TUG1: variants seen among roughly 807,000 people sequenced by gnomAD.
TUG1 encodes taurine up-regulated 1.
At chr22:30,975,495 C>T (rs770460219) in exon 3 of TUG1, 8 of 152,230 alleles carry the variant, frequency 5.3e-5, no homozygotes, top group Admixed American at 2.0e-4. Context: ...TCAGTAGATG[C>T]TGAACATTCT....
At position 30,973,225 on chromosome 22, in the gene TUG1, G is replaced by A. The variant is rs545458826; in HGVS notation, c.*2332G>A. ...GAGACACACAATAAATTTGGACCAG[G>A]GGATTTTTTAGTTATTAATGCTCTC... is the stretch of plus-strand genomic sequence containing the variant. On this transcript the variant is annotated 3_prime_UTR_variant, in exon 2 of 3. Coordinates refer to ENST00000644773, the Ensembl canonical transcript of TUG1. 3 of 152,348 alleles carry A rather than the reference G, an allele frequency of 2.0e-5. No homozygotes were observed. The East Asian group carries it at 5.8e-4, about 29-fold the overall frequency. 9.4% of individuals were successfully genotyped at this position (152,348 alleles called of 1,614,324 possible).
At chr22:30,976,917 A>G (rs1204577516) in exon 3 of TUG1, 1 of 152,202 alleles carries the variant, frequency 6.6e-6, no homozygotes, top group Non-Finnish European at 1.5e-5. Flanking sequence ...CAACAAATAA[A>G]ATCTGGTTGA....
At chr22:30,969,404 G>C (rs1460934136) in exon 1 of TUG1, 1 of 152,508 alleles carries the variant, frequency 6.6e-6, no homozygotes, top group African/African-American at 2.4e-5. Flanking sequence ...GAAGGAACGG[G>C]CGTGCGGTCG....
At chr22:30,973,651 G>C (rs545861966) in intron 2 of TUG1, 64 bp downstream of exon 2, 1 of 152,156 alleles carries the variant, frequency 6.6e-6, no homozygotes, top group East Asian at 1.9e-4. Context: ...GCACTTGTAC[G>C]TACATTTATC....
At chr22:30,975,743 T>A (rs774935070) in exon 3 of TUG1, 2 of 152,194 alleles carry the variant, frequency 1.3e-5, no homozygotes, top group Non-Finnish European at 2.9e-5. Context: ...AGTACATGAC[T>A]TTGAAGTCTT....
chr22:30,973,621 A>G (rs1010898301), intron 2 of TUG1, 34 bp downstream of exon 2: 5 of 152,232 alleles, frequency 3.3e-5, no homozygotes, highest in African/African-American at 1.2e-4. Flanking sequence ...TCTGTTTATA[A>G]TGCACTTTAC....
At chr22:30,971,987 C>T (rs1476778326) in intron 1 of TUG1, 7 of 152,198 alleles carry the variant, frequency 4.6e-5, no homozygotes, top group African/African-American at 7.2e-5. Context: ...CGTTATGTAT[C>T]CTCTATCTGT....
chr22:30,977,940 A>G (rs1262102123), exon 3 of TUG1: 4 of 152,106 alleles, frequency 2.6e-5, no homozygotes, highest in Admixed American at 1.3e-4. Context: ...GTAATTGTTC[A>G]TTTTCAGCAC....
At chr22:30,973,240 T>G (rs751889968) in exon 2 of TUG1, 1 of 152,274 alleles carries the variant, frequency 6.6e-6, no homozygotes, top group Non-Finnish European at 1.5e-5. Context: ...TTTTTAGTTA[T>G]TAATGCTCTC....
intron 1 of TUG1, chr22:30,972,199 ATAACT>A: frequency 6.6e-6 from 1 of 152,336 alleles, no homozygotes; most frequent in East Asian, 1.9e-4. Context: ...TTGCTATGTG[ATAACT>A]TACATTACTC....
At chr22:30,978,528 G>C (rs1255717344) in exon 3 of TUG1, 1 of 152,122 alleles carries the variant, frequency 6.6e-6, no homozygotes, top group Non-Finnish European at 1.5e-5. Flanking sequence ...TCAGTCTGTG[G>C]TTTGGACAGT....
exon 3 of TUG1, chr22:30,979,386 T>A (rs931189036): frequency 6.6e-6 from 1 of 152,142 alleles, no homozygotes; most frequent in Non-Finnish European, 1.5e-5. Flanking sequence ...AAAGAATTTT[T>A]AAAATTAAAT....
At chr22:30,969,963 C>T (rs1602527145) in exon 1 of TUG1, 1 of 152,244 alleles carries the variant, frequency 6.6e-6, no homozygotes, top group Non-Finnish European at 1.5e-5. Flanking sequence ...GCCTCAGTTT[C>T]CTCCTCTGCC....
exon 3 of TUG1, chr22:30,975,880 A>G (rs2041282441): frequency 6.6e-6 from 1 of 152,178 alleles, no homozygotes. Context: ...TTCGTGTGCA[A>G]GAGATAACTA....
At chr22:30,973,804 C>G (rs1319090279) in intron 2 of TUG1, 1 of 152,156 alleles carries the variant, frequency 6.6e-6, no homozygotes, top group Non-Finnish European at 1.5e-5. Context: ...CAGTACTCTC[C>G]TTGGAATTAG....
At chr22:30,970,918 T>A (rs1310299464) in exon 1 of TUG1, 2 of 152,244 alleles carry the variant, frequency 1.3e-5, no homozygotes, top group Admixed American at 1.3e-4. Flanking sequence ...TTGGAAGTGA[T>A]TCAAAGCTAA....
At chr22:30,975,058 TC>T (rs749721660) in intron 2 of TUG1, 111 bp from the exon 3 acceptor site, 1 of 152,220 alleles carries the variant, frequency 6.6e-6, no homozygotes, top group Non-Finnish European at 1.5e-5. Context: ...GAGTTCTAAC[TC>T]CATCAACCTG....
At chr22:30,969,868 G>C (rs1364299841) in exon 1 of TUG1, 4 of 152,282 alleles carry the variant, frequency 2.6e-5, no homozygotes, top group Non-Finnish European at 5.9e-5. Context: ...GACGAGCTCC[G>C]GAGTCGGAAG....
chr22:30,977,401 C>T (rs898787830), exon 3 of TUG1: 2 of 152,078 alleles, frequency 1.3e-5, no homozygotes, highest in African/African-American at 4.8e-5. Flanking sequence ...CCTGTCACTC[C>T]CAGATGTAGC....
Sources: gnomAD v4.1 joint callset for allele counts on GRCh38, gnomAD v4.1.1 for gene constraint, MANE v1.5 for transcripts, NCBI Gene and HGNC (gene_info 2026-07-23, HGNC 2026-07-21) for gene names.